The following MAST4 variants were observed in gnomAD, a reference collection of about 807,000 sequenced individuals.
The protein encoded by MAST4 is microtubule-associated serine/threonine-protein kinase 4.
A neutral mutation model predicts 162.7 loss-of-function variants in MAST4; 89 were observed. That is an observed-to-expected ratio of 0.55 (90% CI 0.46 to 0.65). The LOEUF is 0.65. Among genes scored for constraint, MAST4 ranks in the 30% least tolerant of loss-of-function variants. The pLI, the probability that MAST4 is intolerant of heterozygous loss-of-function variation, is 0.00. For missense variants in MAST4, 3,153 were observed against 3,374.0 expected, an observed-to-expected ratio of 0.93 and a Z score of 1.62; for synonymous variants, 1,479 against 1,361.1, an observed-to-expected ratio of 1.09 and a Z score of -1.91.
At chr5:67,143,627 A>C (rs909252425) in intron 21 of MAST4, among the ~76,000 whole-genome samples, 3 of 152,108 alleles carry the variant, frequency 2.0e-5, no homozygotes, top group Non-Finnish European at 4.4e-5. Flanking sequence ...TTTCTAAATG[A>C]TTACCTAGAT....
intron 6 of MAST4, among the ~76,000 whole-genome samples, chr5:67,090,791 A>G (rs1488119100): frequency 1.3e-5 from 2 of 151,764 alleles, no homozygotes; most frequent in African/African-American, 2.4e-5. Context: ...ATGTCACACC[A>G]TGTTCATTGT....
intron 4 of MAST4, among the ~76,000 whole-genome samples, chr5:66,968,961 A>G (rs561592802): frequency 6.6e-6 from 1 of 152,344 alleles, no homozygotes; most frequent in South Asian, 2.1e-4. Context: ...GAGTAGTAGA[A>G]TGTAAGTTCT....
At position 66,635,946 on chromosome 5, in the gene MAST4, GTTTTTTTTTTTT is replaced by G. The variant is rs530576186; in HGVS notation, c.363+38946_363+38957del. On this transcript the variant is annotated intron_variant, in intron 1 of 28. Coordinates refer to ENST00000403625, the MANE Select transcript of MAST4 (RefSeq NM_001164664.2). ...AAAATCACTGCATAAGATAGAGACT[GTTTTTTTTTTTT>G]TTTTTTTTTTTTTTTTTCGAGACAG... Among the ~76,000 whole-genome samples the G allele has an allele frequency of 3.0e-3, 124 of 41,298 alleles. 2 individuals are homozygous for G. Among genetic ancestry groups the G allele is most frequent in the African/African-American group, 8.9e-3 (109 of 12,280 alleles). The allele number at this position is 41,298 out of a possible 152,430, so 27.1% of individuals were successfully genotyped here.
intron 4 of MAST4, among the ~76,000 whole-genome samples, chr5:67,033,319 G>GTA (rs1348090941): frequency 1.5e-5 from 2 of 137,520 alleles, no homozygotes; most frequent in Admixed American, 7.3e-5. Flanking sequence ...ATTTCTCTGT[G>GTA]TGTGTGTGTG....
chr5:66,766,904 T>C (rs961832035), intron 2 of MAST4, among the ~76,000 whole-genome samples: 1 of 152,228 alleles, frequency 6.6e-6, no homozygotes, highest in Non-Finnish European at 1.5e-5. Context: ...TAGTAGTTTA[T>C]TTCTTGCTCA....
At chr5:66,643,245 AGGGACT>A (rs1446063678) in intron 1 of MAST4, among the ~76,000 whole-genome samples, 5 of 152,180 alleles carry the variant, frequency 3.3e-5, no homozygotes, top group Non-Finnish European at 7.4e-5. Flanking sequence ...TCTCAGAAGA[AGGGACT>A]ATTTGGACTT....
At chr5:67,099,043 G>C (rs977432652) in intron 7 of MAST4, among the ~76,000 whole-genome samples, 10 of 152,092 alleles carry the variant, frequency 6.6e-5, no homozygotes, top group Admixed American at 6.6e-4. Flanking sequence ...TGAAATCTTG[G>C]ATACAGGATT....
At chr5:66,598,626 C>T (rs1742354932) in intron 1 of MAST4, among the ~76,000 whole-genome samples, 1 of 152,208 alleles carries the variant, frequency 6.6e-6, no homozygotes, top group Non-Finnish European at 1.5e-5. Flanking sequence ...TTAACTTCTG[C>T]CTCCACTTCT....
chr5:66,918,316 C>T (rs539932248), intron 4 of MAST4, among the ~76,000 whole-genome samples: 2 of 152,208 alleles, frequency 1.3e-5, no homozygotes, highest in South Asian at 4.1e-4. Context: ...ATGATGTGAA[C>T]AAAGAACTAT....
chr5:66,752,168 C>A (rs558472439), intron 1 of MAST4, among the ~76,000 whole-genome samples: 3 of 152,090 alleles, frequency 2.0e-5, no homozygotes, highest in Non-Finnish European at 2.9e-5. Flanking sequence ...AAGGAACAAC[C>A]GGTACCAGCT....
intron 1 of MAST4, among the ~76,000 whole-genome samples, chr5:66,607,087 G>C (rs1264155760): frequency 6.6e-6 from 1 of 152,100 alleles, no homozygotes; most frequent in Non-Finnish European, 1.5e-5. Context: ...CCTCATACAA[G>C]TGAGGAGGAG....
chr5:66,961,538 T>C (rs2150160080), intron 4 of MAST4, among the ~76,000 whole-genome samples: 1 of 152,360 alleles, frequency 6.6e-6, no homozygotes, highest in Non-Finnish European at 1.5e-5. Flanking sequence ...CAAATATATA[T>C]TTCAGAAATT....
intron 3 of MAST4, among the ~76,000 whole-genome samples, chr5:66,876,774 C>A (rs967052329): frequency 6.6e-5 from 10 of 152,134 alleles, no homozygotes; most frequent in Non-Finnish European, 1.0e-4. Context: ...GGAGCATTGT[C>A]ATGACAGAAA....
At chr5:66,673,530 G>GTTTTTTTTTTT (rs11376867) in intron 1 of MAST4, among the ~76,000 whole-genome samples, 1 of 106,544 alleles carries the variant, frequency 9.4e-6, no homozygotes, top group Non-Finnish European at 2.0e-5. Context: ...TTTGTTTTTT[G>GTTTTTTTTTTT]TTTTTTTTTT....
intron 2 of MAST4, among the ~76,000 whole-genome samples, chr5:66,767,217 G>GTGTGTGT (rs1580403136): frequency 6.8e-6 from 1 of 147,566 alleles, no homozygotes; most frequent in African/African-American, 2.5e-5. Context: ...GTGTGTGTGT[G>GTGTGTGT]GTGCTAGGGA....
In MAST4 at chr5:67,163,409, G is replaced by A. The variant is rs200439713; in HGVS notation, c.4230G>A (p.Ala1410=). The A allele has an allele frequency of 1.2e-5, 19 of 1,612,720 alleles. No homozygotes were observed. The highest frequency in any genetic ancestry group is 1.6e-4 in the Middle Eastern group (1 of 6,062). Reference sequence around the variant, plus strand: ...ACTCACTGGGCAATTCCAAGATCGCGCAAGCCTTTCCCAGCAAGATGCACT... The same window carrying A: ...ACTCACTGGGCAATTCCAAGATCGCACAAGCCTTTCCCAGCAAGATGCACT... ...LGHSLGNSKI[A]QAFPSKMHSP... is the part of the protein sequence containing the mutation. Residue 1410 remains alanine, a synonymous_variant, in exon 29 of 29, where the codon GCG becomes GCA. Coordinates refer to ENST00000403625, the MANE Select transcript of MAST4 (RefSeq NM_001164664.2). The surrounding 1 kb of genome is among the most constrained non-coding windows in gnomAD (Gnocchi z 7.0).
At chr5:67,099,029 GT>G (rs1764738103) in intron 7 of MAST4, among the ~76,000 whole-genome samples, 1 of 152,038 alleles carries the variant, frequency 6.6e-6, no homozygotes, top group South Asian at 2.1e-4. Context: ...GAGTTTGTGG[GT>G]TTTGAAATCT....
chr5:67,141,698 C>A (rs2151032752), intron 19 of MAST4, among the ~76,000 whole-genome samples: 1 of 152,262 alleles, frequency 6.6e-6, no homozygotes, highest in East Asian at 1.9e-4. Context: ...TATCAATATT[C>A]ACTTTACCTC....
Position 67,104,572 on chromosome 5 carries a change from G to T in MAST4, c.1353G>T (p.Gln451His). ...AGCACAAATTAGATAAGTTGCTACA[G>T]GAGGTAAGAACCATGTACCATATAG... ...ELQHKLDKLL[Q>H]EAHDRSESGE... The change falls in exon 10 of 29, where the codon CAG becomes CAT. Residue 451 changes from glutamine to histidine, a missense_variant. Physicochemically the swap from Gln to His is conservative, Grantham distance 24. Around this residue, in one of 7 missense-constraint regions of MAST4, gnomAD observed 360 missense variants for 450.0 expected, o/e 0.80. Transcript: ENST00000403625. 4.3e-6 allele frequency: 7 copies of T among 1,611,934 alleles called. No homozygotes were observed. The highest frequency in any genetic ancestry group is 1.3e-5 in the African/African-American group (1 of 74,974).
Sources: allele counts gnomAD v4.1 joint callset (sites outside exome capture counted in the v4.1 genomes callset), GRCh38; gene constraint gnomAD v4.1.1; regional missense constraint gnomAD v4.1.1; non-coding constraint Gnocchi (gnomAD v3.1); transcripts MANE v1.5; gene names NCBI Gene and HGNC (gene_info 2026-07-23, HGNC 2026-07-21).